Variants in TRAPPC6A observed in about 807,000 individuals in gnomAD.
TRAPPC6A encodes the protein trafficking protein particle complex subunit 6A.
TRAPPC6A carries 25 observed loss-of-function variants against 20.8 expected under a neutral mutation model. The observed-to-expected ratio is 1.20, with a 90% confidence interval of 0.88 to 1.68. TRAPPC6A has a LOEUF of 1.68. TRAPPC6A is among the 40% of genes most tolerant of loss of function. The pLI, the probability that TRAPPC6A is intolerant of heterozygous loss-of-function variation, is 0.00. For missense variants in TRAPPC6A, 215 were observed against 211.6 expected (o/e 1.02, Z -0.10); for synonymous variants, 96 against 93.3 (o/e 1.03, Z -0.16).
In TRAPPC6A at chr19:45,173,705, G is replaced by A. The variant is rs1969308646; in HGVS notation, c.84+4430C>T. Among the ~76,000 whole-genome samples the A allele has an allele frequency of 6.6e-6, 1 of 152,188 alleles. No individual in the cohort carries two copies. The highest frequency in any genetic ancestry group is 6.5e-5 in the Admixed American group (1 of 15,272). The stretch of plus-strand genomic sequence containing the variant: ...GGCCAAAGAGAAGGAATGGAGAGAG[G>A]AGGTGGGGCCAATAAAGAGAAAGGA... On this transcript the variant is annotated intron_variant, in intron 1 of 5. Transcript: ENST00000585934. The surrounding 1 kb of genome is among the most constrained non-coding windows in gnomAD (Gnocchi z 4.8).
chr19:45,164,762 A>C, intron 3 of TRAPPC6A, 91 bp downstream of exon 3: 1 of 1,235,708 alleles, frequency 8.1e-7, no homozygotes, highest in East Asian at 2.3e-5. Flanking sequence ...GGGTCCCGGC[A>C]GCCGCTGCTC....
At chr19:45,165,501 T>C (rs923729419) in intron 1 of TRAPPC6A, among the ~76,000 whole-genome samples, 3 of 152,212 alleles carry the variant, frequency 2.0e-5, no homozygotes, top group African/African-American at 4.8e-5. Flanking sequence ...TCCTCCTCCA[T>C]GACTTTTCCT....
Position 45,163,883 on chromosome 19 carries a change from A to G in TRAPPC6A, c.448+33T>C. Reference sequence around the variant, plus strand: ...TCTGAAGCCCCCAGCAACTCAAGGGATGAGAAGAATCCCCCCACCCCCCAT... The same window carrying G: ...TCTGAAGCCCCCAGCAACTCAAGGGGTGAGAAGAATCCCCCCACCCCCCAT... On this transcript the variant is annotated intron_variant, in intron 5 of 5. Transcript: ENST00000585934. This position sits in a 1 kb window ranked among gnomAD's most constrained non-coding sequence, Gnocchi z 5.3. The G allele has an allele frequency of 7.4e-7, 1 of 1,352,856 alleles. No individual in the cohort carries two copies. The highest frequency in any genetic ancestry group is 1.0e-6 in the Non-Finnish European group (1 of 966,590). The allele number at this position is 1,352,856 out of a possible 1,614,324, so 83.8% of individuals were successfully genotyped here. A position where few individuals can be genotyped will look rare whatever the true frequency, so the allele number is the denominator to read the frequency against.
rs1190912284 is a variant in TRAPPC6A at position 45,164,110 on chromosome 19, GC to G, written c.354+53del. 2.6e-6 allele frequency: 4 copies of G among 1,560,298 alleles called. No individual in the cohort carries two copies. The South Asian group carries it at 3.5e-5, about 14-fold the overall frequency. On this transcript the variant is annotated intron_variant, in intron 4 of 5. Transcript: ENST00000585934. Reference sequence around the variant, plus strand: ...GGGGAAAGGCCTGATGTGGGATGGGGCTGGGTAAACAGGAGGAAGGGAGGTG... The same window carrying G: ...GGGGAAAGGCCTGATGTGGGATGGGGTGGGTAAACAGGAGGAAGGGAGGTG...
chr19:45,165,354 G>A (rs1427379901), intron 1 of TRAPPC6A, among the ~76,000 whole-genome samples, 160 bp from the exon 2 acceptor site: 1 of 152,202 alleles, frequency 6.6e-6, no homozygotes, highest in Non-Finnish European at 1.5e-5. Context: ...CCAGGGCAGG[G>A]GCAGGCCTCT....
At chr19:45,176,370 G>A (rs945693181) in intron 1 of TRAPPC6A, among the ~76,000 whole-genome samples, 13 of 152,062 alleles carry the variant, frequency 8.5e-5, no homozygotes, top group Admixed American at 2.6e-4. Context: ...AGGCTGCGGC[G>A]GGAGAATTGC....
At chr19:45,177,993 A>G in intron 1 of TRAPPC6A, 142 bp downstream of exon 1, 1 of 1,464,620 alleles carries the variant, frequency 6.8e-7, no homozygotes, top group Middle Eastern at 2.3e-4. Flanking sequence ...CCACTTTCCA[A>G]AGGAGGAAGC....
chr19:45,163,130 A>T lies in TRAPPC6A; in HGVS notation c.*62T>A. The T allele has an allele frequency of 1.2e-6, 2 of 1,604,012 alleles. No homozygotes were observed. Among genetic ancestry groups the T allele is most frequent in the Middle Eastern group, 1.7e-4 (1 of 6,046 alleles). ...GACCACCCCGAAATGCAGCGGCCCC[A>T]CCGTCTCCTGAGGCCGGTGAGGCCA... On this transcript the variant is annotated 3_prime_UTR_variant, in exon 6 of 6. Transcript: ENST00000585934. This position sits in a 1 kb window ranked among gnomAD's most constrained non-coding sequence, Gnocchi z 5.3.
chr19:45,174,994 G>A (rs1394720909), intron 1 of TRAPPC6A, among the ~76,000 whole-genome samples: 1 of 151,796 alleles, frequency 6.6e-6, no homozygotes, highest in Non-Finnish European at 1.5e-5. Flanking sequence ...AGGCGCGGTG[G>A]CTCACACCTG....
intron 4 of TRAPPC6A, 59 bp from the exon 5 acceptor site, chr19:45,164,068 G>C: frequency 6.4e-7 from 1 of 1,550,828 alleles, no homozygotes; most frequent in Non-Finnish European, 8.7e-7. Context: ...CCGAGGTCTG[G>C]GGCACCCCTT....
chr19:45,164,236 G>C lies in TRAPPC6A; in HGVS notation c.282C>G (p.Val94=). Reference sequence around the variant, plus strand: ...GGAGGGGGAAGCTGTTGTCTTGCAGGACGTAGGTCCCCTGGGGGAGAGGAG... The same window carrying C: ...GGAGGGGGAAGCTGTTGTCTTGCAGCACGTAGGTCCCCTGGGGGAGAGGAG... ...SLRTNHQGTY[V]LQDNSFPLLL... Residue 94 remains valine, a synonymous_variant, in exon 4 of 6, where the codon GTC becomes GTG. Coordinates refer to ENST00000585934, the MANE Select transcript of TRAPPC6A (RefSeq NM_001270891.2). The C allele has an allele frequency of 1.2e-6, 2 of 1,606,138 alleles. No individual in the cohort carries two copies. The highest frequency in any genetic ancestry group is 1.1e-5 in the South Asian group (1 of 89,662).
rs761511925 is a variant in TRAPPC6A, at chr19:45,164,204, G to A, written c.314C>T (p.Pro105Leu). ...LQDNSFPLLL[P>L]MASGLQYLEE... ...CAGATACTGCAGGCCAGAGGCCATC[G>A]GGAGGAGGAGGGGGAAGCTGTTGTC... Residue 105 changes from proline (P) to leucine (L), a missense_variant, in exon 4 of 6, where the codon CCG becomes CTG. Pro to Leu is a moderately conservative substitution (Grantham distance 98). Coordinates refer to ENST00000585934, the MANE Select transcript of TRAPPC6A (RefSeq NM_001270891.2). 5.0e-5 allele frequency: 81 copies of A among 1,610,020 alleles called. No individual in the cohort carries two copies. The highest frequency in any genetic ancestry group is 6.0e-5 in the Non-Finnish European group (71 of 1,178,018).
intron 1 of TRAPPC6A, among the ~76,000 whole-genome samples, chr19:45,177,790 G>A (rs990926775): frequency 4.6e-5 from 7 of 152,278 alleles, no homozygotes; most frequent in African/African-American, 1.7e-4. Flanking sequence ...TTACAAAAGA[G>A]AAAACTAGGA....
chr19:45,165,452 C>G (rs77639897), intron 1 of TRAPPC6A, among the ~76,000 whole-genome samples: 1 of 152,244 alleles, frequency 6.6e-6, no homozygotes, highest in Non-Finnish European at 1.5e-5. Flanking sequence ...CCAGCTCCCC[C>G]TTCCCTCAGG....
intron 1 of TRAPPC6A, among the ~76,000 whole-genome samples, chr19:45,168,079 T>C (rs917229814): frequency 1.4e-5 from 2 of 138,784 alleles, no homozygotes; most frequent in Admixed American, 1.6e-4. Context: ...CTCGGCTCAC[T>C]GCAAGCTCCG....
At position 45,163,285 on chromosome 19, in the gene TRAPPC6A, C is replaced by T. The variant is rs558888207; in HGVS notation, c.449-62G>A. ...ATGGGGGAGGCAGAGGGCACCTGGACGGCTCTTAGGCGCTCACCCCCGTCC... is the reference window on the plus strand; with the variant it reads ...ATGGGGGAGGCAGAGGGCACCTGGATGGCTCTTAGGCGCTCACCCCCGTCC... On this transcript the variant is annotated intron_variant, in intron 5 of 5. Coordinates refer to ENST00000585934, the MANE Select transcript of TRAPPC6A (RefSeq NM_001270891.2). The surrounding 1 kb of genome is among the most constrained non-coding windows in gnomAD (Gnocchi z 5.3). The T allele has an allele frequency of 3.7e-5, 59 of 1,590,380 alleles. No individual in the cohort carries two copies. The highest frequency in any genetic ancestry group is 1.4e-4 in the Admixed American group (8 of 58,958).
Position 45,163,781 on chromosome 19 carries a change from C to CA in TRAPPC6A, c.448+134dup, listed in dbSNP as rs1969069525. 1.3e-6 allele frequency: 1 copy of CA among 759,708 alleles called. No homozygotes were observed. Among genetic ancestry groups the CA allele is most frequent in the East Asian group, 2.7e-5 (1 of 37,162 alleles). The allele number at this position is 759,708 out of a possible 1,614,324, so 47.1% of individuals were successfully genotyped here. On this transcript the variant is annotated intron_variant, in intron 5 of 5. Coordinates refer to ENST00000585934, the MANE Select transcript of TRAPPC6A (RefSeq NM_001270891.2). This position sits in a 1 kb window ranked among gnomAD's most constrained non-coding sequence, Gnocchi z 5.3. ...GGAGCCAGGGGCACAGATGGGCCTG[C>CA]ACCAGCCGTGTGGCTGAGCAGGTGA...
At chr19:45,171,454 G>A (rs1051972792) in intron 1 of TRAPPC6A, among the ~76,000 whole-genome samples, 5 of 152,162 alleles carry the variant, frequency 3.3e-5, no homozygotes, top group Admixed American at 6.6e-5. Flanking sequence ...CACACAGACC[G>A]GATGAAAGGA....
intron 4 of TRAPPC6A, 39 bp from the exon 5 acceptor site, chr19:45,164,048 AG>A (rs1969080893): frequency 6.4e-7 from 1 of 1,556,392 alleles, no homozygotes; most frequent in African/African-American, 1.4e-5. Context: ...AAGAGAGGGG[AG>A]GCCAGCACCC....
Sources: gnomAD v4.1 joint callset for allele counts (sites outside exome capture counted in the v4.1 genomes callset) on GRCh38, gnomAD v4.1.1 for gene constraint, Gnocchi (gnomAD v3.1) non-coding constraint, MANE v1.5 for transcripts, NCBI Gene and HGNC (gene_info 2026-07-23, HGNC 2026-07-21) for gene names.